Variants in TEAD4 observed in about 807,000 individuals in gnomAD.
The protein encoded by TEAD4 is TEA domain transcription factor 4.
TEAD4 carries 36 observed loss-of-function variants against 52.4 expected under a neutral mutation model. The ratio of observed to expected loss-of-function variants is 0.69; its 90% confidence interval spans 0.53 to 0.91. TEAD4 has a LOEUF of 0.91. Among genes scored for constraint, TEAD4 ranks in the 40% least tolerant of loss-of-function variants. The pLI, the probability that TEAD4 is intolerant of heterozygous loss-of-function variation, is 0.00. For synonymous variants in TEAD4, 220 were observed against 231.0 expected (o/e 0.95, Z 0.43); for missense variants, 508 against 583.9 (o/e 0.87, Z 1.34).
At chr12:3,025,055 C>T (rs1323967476) in intron 10 of TEAD4, among the ~76,000 whole-genome samples, 1 of 151,988 alleles carries the variant, frequency 6.6e-6, no homozygotes, top group Non-Finnish European at 1.5e-5. Flanking sequence ...AGCAATTCCC[C>T]TGCCTCAGCC....
At position 3,040,596 on chromosome 12, in the gene TEAD4, ACT is replaced by A. The variant is rs2098282169; in HGVS notation, c.*121_*122del. 6 of 878,390 alleles carry A rather than the reference ACT, an allele frequency of 6.8e-6. No individual in the cohort carries two copies. Among genetic ancestry groups the A allele is most frequent in the Admixed American group, 2.2e-5 (1 of 44,784 alleles). 54.4% of individuals were successfully genotyped at this position (878,390 alleles called of 1,614,324 possible). A position where few individuals can be genotyped will look rare whatever the true frequency, so the allele number is the denominator to read the frequency against. ...AAGAGAGCTGAGAGGAGCAGTTGTG[ACT>A]CTACCCAGGAACAAACTGTGCCTGA... On this transcript the variant is annotated 3_prime_UTR_variant, in exon 13 of 13. Transcript: ENST00000359864.
At chr12:2,982,051 C>T (rs1044529174) in intron 2 of TEAD4, among the ~76,000 whole-genome samples, 3 of 151,862 alleles carry the variant, frequency 2.0e-5, no homozygotes, top group Admixed American at 2.0e-4. Context: ...TGAGATGGAT[C>T]GGACTAGGGA....
rs71057876 is a variant in TEAD4, at chr12:2,990,461, C to CTTTTTTTTTTTTTTTTTTTTT, written c.-29-4270_-29-4250dup. Reference sequence around the variant, plus strand: ...TAGAATTTAGGCTAAGACAGATAATCTTTTTTTTTTTTTTTTTTTTTTTTT... The same window carrying CTTTTTTTTTTTTTTTTTTTTT: ...TAGAATTTAGGCTAAGACAGATAATCTTTTTTTTTTTTTTTTTTTTTTTTTTTTTTTTTTTTTTTTTTTTTT... On this transcript the variant is annotated intron_variant, in intron 2 of 12. Coordinates refer to ENST00000359864, the MANE Select transcript of TEAD4 (RefSeq NM_003213.4). Among the ~76,000 whole-genome samples the CTTTTTTTTTTTTTTTTTTTTT allele has an allele frequency of 1.6e-4, 11 of 67,000 alleles. 4 individuals carry two copies. The highest frequency in any genetic ancestry group is 4.1e-4 in the African/African-American group (7 of 16,996). The allele number at this position is 67,000 out of a possible 152,430, so 44.0% of individuals were successfully genotyped here.
intron 2 of TEAD4, among the ~76,000 whole-genome samples, chr12:2,987,637 T>G (rs1488489927): frequency 6.6e-6 from 1 of 151,502 alleles, no homozygotes; most frequent in South Asian, 2.1e-4. Flanking sequence ...GGTTTCACCG[T>G]GGTCTCGATC....
chr12:2,964,231 C>T (rs1469811483), intron 2 of TEAD4, among the ~76,000 whole-genome samples: 2 of 152,206 alleles, frequency 1.3e-5, no homozygotes, highest in Non-Finnish European at 2.9e-5. Context: ...GCCACGCTCG[C>T]CCCTGCCAGG....
In TEAD4 at chr12:3,023,651, C is replaced by T. The variant is rs572471397; in HGVS notation, c.897+1634C>T. ...AAAAAAAAAAAAAAAATTAGACAGGCGTGGTGGCACACGCCTGTAATCCCA... is the reference window on the plus strand; with the variant it reads ...AAAAAAAAAAAAAAAATTAGACAGGTGTGGTGGCACACGCCTGTAATCCCA... On this transcript the variant is annotated intron_variant, in intron 10 of 12. Transcript: ENST00000359864. Among the ~76,000 whole-genome samples the T allele has an allele frequency of 2.6e-5, 4 of 151,396 alleles. No homozygotes were observed. The South Asian group carries it at 6.3e-4, about 24-fold the overall frequency.
At chr12:2,962,301 A>AATATAAATATATAAATATATAT (rs2098216155) in intron 2 of TEAD4, among the ~76,000 whole-genome samples, 4 of 29,574 alleles carry the variant, frequency 1.4e-4, no homozygotes, top group East Asian at 1.7e-3. Flanking sequence ...TATATATATA[A>AATATAAATATATAAATATATAT]ATATAAATAT....
At chr12:3,024,778 T>G (rs2098271028) in intron 10 of TEAD4, among the ~76,000 whole-genome samples, 1 of 152,228 alleles carries the variant, frequency 6.6e-6, no homozygotes, top group Non-Finnish European at 1.5e-5. Flanking sequence ...TATTTTTTAA[T>G]AAGCCTATTC....
At chr12:2,986,984 C>A (rs1401859429) in intron 2 of TEAD4, among the ~76,000 whole-genome samples, 2 of 152,128 alleles carry the variant, frequency 1.3e-5, no homozygotes, top group African/African-American at 2.4e-5. Context: ...TGACTGCGTT[C>A]CTAGCTTTCT....
In TEAD4 at chr12:3,018,481, C is replaced by T. The variant is rs1374682097; in HGVS notation, c.484-64C>T. 8.1e-6 allele frequency: 13 copies of T among 1,604,170 alleles called. No individual in the cohort carries two copies. In the East Asian group the frequency reaches 1.1e-4, roughly 14 times the overall value. ...GGCCCTGCCCGGTCCTACCCCCACC[C>T]CCACACCACAGGGCCCCGGGTGCAC... On this transcript the variant is annotated intron_variant, in intron 6 of 12. Coordinates refer to ENST00000359864, the MANE Select transcript of TEAD4 (RefSeq NM_003213.4).
intron 11 of TEAD4, among the ~76,000 whole-genome samples, chr12:3,038,714 A>T (rs978722493): frequency 6.6e-6 from 1 of 152,222 alleles, no homozygotes; most frequent in Admixed American, 6.5e-5. Flanking sequence ...GCGCAGGTGA[A>T]TCCCCACCCA....
chr12:3,007,881 TA>T (rs1227227596), intron 3 of TEAD4, among the ~76,000 whole-genome samples: 1 of 152,194 alleles, frequency 6.6e-6, no homozygotes, highest in African/African-American at 2.4e-5. Context: ...TAATCAGAAG[TA>T]AAAGGTTATT....
chr12:2,980,226 C>T (rs965923061), intron 2 of TEAD4, among the ~76,000 whole-genome samples: 1 of 152,126 alleles, frequency 6.6e-6, no homozygotes, highest in Non-Finnish European at 1.5e-5. Flanking sequence ...GGGAACCCTG[C>T]CTCTCTCCGC....
In TEAD4 at chr12:3,017,545, G is replaced by A; in HGVS notation, c.483+19G>A. 6.2e-7 allele frequency: 1 copy of A among 1,607,642 alleles called. No individual in the cohort carries two copies. The highest frequency in any genetic ancestry group is 8.5e-7 in the Non-Finnish European group (1 of 1,177,536). On this transcript the variant is annotated intron_variant, in intron 6 of 12. Transcript: ENST00000359864. ...CTCAGGGGTAAGTGGGCTGCCGAGA[G>A]CTGGAGGCCAGGCCAGCCCTCTCCT... is the stretch of plus-strand genomic sequence containing the variant.
At position 3,003,667 on chromosome 12, in the gene TEAD4, C is replaced by T. The variant is rs371962103; in HGVS notation, c.227-7337C>T. 2.3e-3 allele frequency among the ~76,000 whole-genome samples: 353 copies of T among 152,306 alleles called. 4 individuals carry two copies. The South Asian group carries it at 0.032, about 14-fold the overall frequency. ...GGTGGGGTGGGGCCGTGGGTGTGAG[C>T]TGGGGGCTGTCGGACACATGTGCTC... On this transcript the variant is annotated intron_variant, in intron 3 of 12. Coordinates refer to ENST00000359864, the MANE Select transcript of TEAD4 (RefSeq NM_003213.4).
intron 10 of TEAD4, among the ~76,000 whole-genome samples, chr12:3,026,768 A>G (rs1591596259): frequency 6.6e-6 from 1 of 152,298 alleles, no homozygotes; most frequent in East Asian, 1.9e-4. Context: ...GGTAGTTTAT[A>G]AAGTGTGCAT....
At chr12:2,985,311 G>A (rs961678898) in intron 2 of TEAD4, among the ~76,000 whole-genome samples, 20 of 151,570 alleles carry the variant, frequency 1.3e-4, no homozygotes, top group African/African-American at 4.8e-4. Flanking sequence ...CATGAGCCTG[G>A]GAGGTGGAGC....
intron 10 of TEAD4, among the ~76,000 whole-genome samples, chr12:3,022,224 C>T (rs574004553): frequency 1.1e-4 from 17 of 152,252 alleles, no homozygotes; most frequent in Admixed American, 6.5e-4. Context: ...CTGGCCTAGT[C>T]GAACGAGGCC....
chr12:2,962,579 C>T (rs1056093471), intron 2 of TEAD4, among the ~76,000 whole-genome samples: 7 of 151,898 alleles, frequency 4.6e-5, no homozygotes, highest in African/African-American at 1.7e-4. Context: ...AGGTGATCTG[C>T]CCACCTTGGC....
Sources: gnomAD v4.1 joint callset for allele counts (sites outside exome capture counted in the v4.1 genomes callset) on GRCh38, gnomAD v4.1.1 for gene constraint, MANE v1.5 for transcripts, NCBI Gene and HGNC (gene_info 2026-07-23, HGNC 2026-07-21) for gene names.